The following FAM13B variants were observed in gnomAD, a reference collection of about 807,000 sequenced individuals.
FAM13B encodes the protein family with sequence similarity 13 member B.
In FAM13B, 60 loss-of-function variants were observed where a neutral mutation model predicts 117.3. That is an observed-to-expected ratio of 0.51 (90% CI 0.42 to 0.63). The LOEUF is 0.63. FAM13B is among the 30% of genes least tolerant of loss of function. The pLI, the probability that FAM13B is intolerant of heterozygous loss-of-function variation, is 0.00. For missense variants in FAM13B, 972 were observed against 1,091.9 expected (o/e 0.89, Z 1.55); for synonymous variants, 332 against 356.1 (o/e 0.93, Z 0.76).
intron 1 of FAM13B, among the ~76,000 whole-genome samples, chr5:138,025,705 A>T (rs4835752): frequency 6.6e-6 from 1 of 151,866 alleles, no homozygotes; most frequent in African/African-American, 2.4e-5. Flanking sequence ...CATACAATCC[A>T]AAGTGGTCTA....
rs1282279592 is a variant in FAM13B at position 138,009,136 on chromosome 5, T to A, written c.690+1872A>T. On this transcript the variant is annotated intron_variant, in intron 6 of 23. Transcript: ENST00000689681. The stretch of plus-strand genomic sequence containing the variant: ...GCCTGGGAAACACAGCAAGACTTTG[T>A]CTCAAAAACAAAAACAAAAATAAAA... 3.3e-5 allele frequency among the ~76,000 whole-genome samples: 5 copies of A among 152,164 alleles called. No homozygotes were observed. In the South Asian group the frequency reaches 1.0e-3, roughly 31 times the overall value.
chr5:138,000,828 G>A (rs898446836), intron 7 of FAM13B, among the ~76,000 whole-genome samples: 6 of 151,820 alleles, frequency 4.0e-5, no homozygotes, highest in Non-Finnish European at 2.9e-5. Flanking sequence ...CTACTTGGGT[G>A]GCTGAGGCGC....
chr5:137,953,871 A>G (rs1765701971), intron 15 of FAM13B, among the ~76,000 whole-genome samples: 1 of 152,218 alleles, frequency 6.6e-6, no homozygotes, highest in African/African-American at 2.4e-5. Context: ...CGATGAATAC[A>G]TAAATAAATG....
intron 2 of FAM13B, 43 bp downstream of exon 2, chr5:138,020,988 T>C (rs1786583291): frequency 5.8e-6 from 7 of 1,216,178 alleles, no homozygotes; most frequent in South Asian, 8.6e-5. Flanking sequence ...AAAATCTCTA[T>C]GGATTTATAG....
intron 7 of FAM13B, among the ~76,000 whole-genome samples, chr5:138,005,071 C>A (rs1411036948): frequency 6.6e-6 from 1 of 151,882 alleles, no homozygotes; most frequent in African/African-American, 2.4e-5. Context: ...AACTCCATCT[C>A]TCCTAAAATA....
chr5:138,023,980 G>C (rs1787495349), intron 1 of FAM13B, among the ~76,000 whole-genome samples: 1 of 152,190 alleles, frequency 6.6e-6, no homozygotes, highest in Non-Finnish European at 1.5e-5. Flanking sequence ...CTTGTATCTA[G>C]AGCACATTGC....
intron 4 of FAM13B, 75 bp downstream of exon 4, chr5:138,018,227 T>C (rs759060603): frequency 1.7e-5 from 20 of 1,160,286 alleles, no homozygotes; most frequent in Non-Finnish European, 2.4e-5. Flanking sequence ...ACTGTTTACA[T>C]GTCAAGATTT....
intron 7 of FAM13B, among the ~76,000 whole-genome samples, chr5:137,998,328 A>T (rs1173927556): frequency 2.0e-5 from 3 of 152,240 alleles, no homozygotes; most frequent in African/African-American, 4.8e-5. Flanking sequence ...GAAACTTTTT[A>T]AAAAGGGGCC....
chr5:138,019,162 C>CAAAAAAAAAA lies in FAM13B; in HGVS notation c.-35-26_-35-17dup. 1 of 1,502,690 alleles carries CAAAAAAAAAA rather than the reference C, an allele frequency of 6.7e-7. No individual in the cohort carries two copies. Among genetic ancestry groups the CAAAAAAAAAA allele is most frequent in the African/African-American group, 1.4e-5 (1 of 70,846 alleles). 93.1% of individuals were successfully genotyped at this position (1,502,690 alleles called of 1,614,324 possible). On this transcript the variant is annotated splice_polypyrimidine_tract_variant and intron_variant, in intron 2 of 23. Coordinates refer to ENST00000689681, the MANE Select transcript of FAM13B (RefSeq NM_001385994.1). ...GCTGTCTTTTCTGCCAAATGAAAGACAAAAAAAAAAGACTATAATGATTAA... is the reference window on the plus strand; with the variant it reads ...GCTGTCTTTTCTGCCAAATGAAAGACAAAAAAAAAAAAAAAAAAAAGACTATAATGATTAA...
chr5:137,971,948 G>T (rs1316773665), intron 10 of FAM13B, among the ~76,000 whole-genome samples: 1 of 151,824 alleles, frequency 6.6e-6, no homozygotes, highest in South Asian at 2.1e-4. Flanking sequence ...AAGAACAGGA[G>T]CTGAAATTGT....
In FAM13B at chr5:138,018,959, T is replaced by C. The variant is rs1785928171; in HGVS notation, c.153A>G (p.Glu51=). ...IVRHVVDYIE[E]HGGLEQQGLF... ...TCAAAGTAAGGAAATGTATACCATG[T>C]TCCTCAATATAGTCCACAACGTGGC... The change falls in exon 3 of 24, where the codon GAA becomes GAG. Residue 51 remains glutamate (E), a synonymous_variant. Transcript: ENST00000689681. The C allele has an allele frequency of 6.2e-7, 1 of 1,610,758 alleles. No homozygotes were observed. The highest frequency in any genetic ancestry group is 8.5e-7 in the Non-Finnish European group (1 of 1,178,120).
At chr5:137,976,136 T>C (rs536691705) in intron 10 of FAM13B, among the ~76,000 whole-genome samples, 2 of 152,172 alleles carry the variant, frequency 1.3e-5, no homozygotes, top group East Asian at 3.9e-4. Context: ...TTTCGTATTT[T>C]TGTAGAGATG....
At chr5:138,027,740 T>C (rs1788820810) in intron 1 of FAM13B, among the ~76,000 whole-genome samples, 1 of 152,216 alleles carries the variant, frequency 6.6e-6, no homozygotes, top group Non-Finnish European at 1.5e-5. Flanking sequence ...CCCACCTAAA[T>C]CTCATCTAGA....
At chr5:138,015,173 T>C (rs1784960556) in intron 4 of FAM13B, among the ~76,000 whole-genome samples, 1 of 152,092 alleles carries the variant, frequency 6.6e-6, no homozygotes, top group African/African-American at 2.4e-5. Context: ...CATCCTAAGG[T>C]ACACAACTCC....
Position 137,953,551 on chromosome 5 carries a change from A to G in FAM13B, c.1719-86T>C, listed in dbSNP as rs377609732. On this transcript the variant is annotated intron_variant, in intron 15 of 23. Coordinates refer to ENST00000689681, the MANE Select transcript of FAM13B (RefSeq NM_001385994.1). ...TTGCCCTGACATGGCACTATTAGCA[A>G]TAAGTAAATCTTAAAGGTAAAAATA... 85 of 1,372,138 alleles carry G rather than the reference A, an allele frequency of 6.2e-5. No individual in the cohort carries two copies. The Middle Eastern group carries it at 1.3e-3, about 21-fold the overall frequency. 85.0% of individuals were successfully genotyped at this position (1,372,138 alleles called of 1,614,324 possible).
intron 10 of FAM13B, among the ~76,000 whole-genome samples, chr5:137,983,172 T>C (rs1361027922): frequency 3.0e-5 from 2 of 66,944 alleles, no homozygotes; most frequent in Non-Finnish European, 5.3e-5. Context: ...ACAGCCAGTG[T>C]AGGTAAAAAA....
rs530137703 is a variant in FAM13B, at chr5:137,949,047, CCTT to C, written c.2065_2067del (p.Lys689del). ...GTTGCTTCTTTAGATGGTTTTTTCT[CCTT>C]CTGAATGACCTTGGGTTCATCTTCA... is the stretch of plus-strand genomic sequence containing the variant. On this transcript the variant is annotated inframe_deletion, in exon 18 of 24. Coordinates refer to ENST00000689681, the MANE Select transcript of FAM13B (RefSeq NM_001385994.1). 2.4e-5 allele frequency: 39 copies of C among 1,613,978 alleles called. No individual in the cohort carries two copies. In the East Asian group the frequency reaches 8.5e-4, roughly 35 times the overall value.
chr5:137,940,075 A>ATT lies in FAM13B; in HGVS notation c.*148_*149dup. On this transcript the variant is annotated 3_prime_UTR_variant, in exon 24 of 24. Coordinates refer to ENST00000689681, the MANE Select transcript of FAM13B (RefSeq NM_001385994.1). ...GAGAGGGCCTACTTACTCTCCCATC[A>ATT]TTTGTTTTGTTTAGTGGCACCACAA... 1 of 1,614,144 alleles carries ATT rather than the reference A, an allele frequency of 6.2e-7. No homozygotes were observed. The highest frequency in any genetic ancestry group is 8.5e-7 in the Non-Finnish European group (1 of 1,180,008).
intron 7 of FAM13B, among the ~76,000 whole-genome samples, chr5:137,998,581 G>A (rs1247859378): frequency 2.0e-5 from 3 of 152,106 alleles, no homozygotes; most frequent in Admixed American, 2.0e-4. Flanking sequence ...AAACGACTAA[G>A]ACTCTAAGAA....
Sources: allele counts gnomAD v4.1 joint callset (sites outside exome capture counted in the v4.1 genomes callset), GRCh38; gene constraint gnomAD v4.1.1; transcripts MANE v1.5; gene names NCBI Gene and HGNC (gene_info 2026-07-23, HGNC 2026-07-21).